KASH5: variants seen among roughly 807,000 people sequenced by gnomAD.
KASH5 encodes the protein protein KASH5.
A neutral mutation model predicts 84.2 loss-of-function variants in KASH5; 72 were observed. The observed-to-expected ratio is 0.85, with a 90% CI of 0.71 to 1.04. KASH5 has a LOEUF of 1.04. Ranked by LOEUF, KASH5 falls within the 50% of genes least tolerant of loss-of-function variation. KASH5 has a pLI of 0.00. For missense variants in KASH5, 650 were observed against 701.0 expected, an observed-to-expected ratio of 0.93 and a Z score of 0.82; for synonymous variants, 260 against 279.1, an observed-to-expected ratio of 0.93 and a Z score of 0.68.
rs1422135409 is a variant in KASH5, at chr19:49,414,581, C to T, written c.1329-370C>T. Among the ~76,000 whole-genome samples the T allele has an allele frequency of 6.6e-6, 1 of 152,100 alleles. No individual in the cohort carries two copies. Among genetic ancestry groups the T allele is most frequent in the African/African-American group, 2.4e-5 (1 of 41,402 alleles). Reference sequence around the variant, plus strand: ...GGAAGTAGTGGCTGAGAAAACCAATCTGAGATGAAGAGGCCCCCTTATTCT... The same window carrying T: ...GGAAGTAGTGGCTGAGAAAACCAATTTGAGATGAAGAGGCCCCCTTATTCT... On this transcript the variant is annotated intron_variant, in intron 16 of 19. Coordinates refer to ENST00000447857, the MANE Select transcript of KASH5 (RefSeq NM_144688.5). The surrounding 1 kb of genome is among the most constrained non-coding windows in gnomAD (Gnocchi z 4.5).
At chr19:49,391,653 A>T (rs1974008912) in intron 2 of KASH5, 1 of 152,220 alleles carries the variant, frequency 6.6e-6, no homozygotes, top group Admixed American at 6.5e-5. Context: ...TTACACTAAC[A>T]GAGCATTTCA....
intron 17 of KASH5, 159 bp downstream of exon 17, chr19:49,415,155 C>CCT (rs1974861370): frequency 1.3e-6 from 1 of 742,514 alleles, no homozygotes; most frequent in Non-Finnish European, 2.3e-6. Context: ...TTTGCTGTAG[C>CCT]TAATGAGAGC....
Position 49,407,285 on chromosome 19 carries a change from A to G in KASH5, c.922A>G (p.Ile308Val), listed in dbSNP as rs374609604. 4.3e-6 allele frequency: 7 copies of G among 1,613,750 alleles called. No individual in the cohort carries two copies. The highest frequency in any genetic ancestry group is 5.9e-6 in the Non-Finnish European group (7 of 1,179,830). The change falls in exon 11 of 20, where the codon ATC becomes GTC. Residue 308 changes from isoleucine (I) to valine (V), a missense_variant. Ile to Val is a conservative substitution (Grantham distance 29). Transcript: ENST00000447857. The stretch of plus-strand genomic sequence containing the variant: ...ACACCTCATTTGCCAAAGAGACACC[A>G]TCCTCTCTGAGGTAAGGGGCCCCGG... ...CEHLICQRDTILSERTRDVES... is the reference protein window; with the variant it reads ...CEHLICQRDTVLSERTRDVES...
rs758598616 is a variant in KASH5 at position 49,402,697 on chromosome 19, ACT to A, written c.798+3193_798+3194del. Among the ~76,000 whole-genome samples the A allele has an allele frequency of 7.2e-5, 11 of 152,138 alleles. No individual in the cohort carries two copies. In the East Asian group the frequency reaches 1.7e-3, roughly 24 times the overall value. ...ATTCTAGCCTGGGTGACAGAGCGAG[ACT>A]CTGTCTCAAAAAAAATTTTTAAAAA... On this transcript the variant is annotated intron_variant, in intron 9 of 19. Coordinates refer to ENST00000447857, the MANE Select transcript of KASH5 (RefSeq NM_144688.5).
chr19:49,416,721 C>T lies in KASH5; in HGVS notation c.1375-294C>T, dbSNP rs1457884542. Among the ~76,000 whole-genome samples the T allele has an allele frequency of 2.0e-5, 3 of 152,142 alleles. No homozygotes were observed. Among genetic ancestry groups the T allele is most frequent in the Non-Finnish European group, 4.4e-5 (3 of 68,036 alleles). On this transcript the variant is annotated intron_variant, in intron 17 of 19. Transcript: ENST00000447857. The surrounding 1 kb of genome is among the most constrained non-coding windows in gnomAD (Gnocchi z 5.4). ...GTACCAGGCGCTGTCCAAGCTATTG[C>T]CCCCGCCTTTTTTTTCCTACATTCA...
At position 49,417,758 on chromosome 19, in the gene KASH5, G is replaced by A. The variant is rs1301403010; in HGVS notation, c.*248G>A. On this transcript the variant is annotated 3_prime_UTR_variant, in exon 20 of 20. Transcript: ENST00000447857. This position sits in a 1 kb window ranked among gnomAD's most constrained non-coding sequence, Gnocchi z 5.2. ...TATTCCCTCACAAAACAAGCCTGGC[G>A]AGGGCAGCTGTGGGCACACAGCTAA... 1.1e-5 allele frequency: 5 copies of A among 450,028 alleles called. No individual in the cohort carries two copies. The highest frequency in any genetic ancestry group is 9.6e-5 in the South Asian group (1 of 10,438). 27.9% of individuals were successfully genotyped at this position (450,028 alleles called of 1,614,324 possible).
In KASH5 at chr19:49,412,599, A is replaced by G. The variant is rs1385693017; in HGVS notation, c.1270-369A>G. Among the ~76,000 whole-genome samples, 1 of 152,174 alleles carries G rather than the reference A, an allele frequency of 6.6e-6. No homozygotes were observed. The highest frequency in any genetic ancestry group is 6.5e-5 in the Admixed American group (1 of 15,284). On this transcript the variant is annotated intron_variant, in intron 15 of 19. Transcript: ENST00000447857. This position sits in a 1 kb window ranked among gnomAD's most constrained non-coding sequence, Gnocchi z 4.6. The stretch of plus-strand genomic sequence containing the variant: ...AGCCCAAGTCTGGGAACCTGGGATG[A>G]GAAGGCGGTTGGACAGGGAAATGCT...
chr19:49,402,251 A>T (rs1202847333), intron 9 of KASH5, among the ~76,000 whole-genome samples: 1 of 149,794 alleles, frequency 6.7e-6, no homozygotes, highest in African/African-American at 2.5e-5. Flanking sequence ...CAAAAAAAAA[A>T]GGAAAAGAAA....
rs560826989 is a variant in KASH5 at position 49,398,839 on chromosome 19, G to A, written c.630-186G>A. Among the ~76,000 whole-genome samples, 6 of 152,164 alleles carry A rather than the reference G, an allele frequency of 3.9e-5. No individual in the cohort carries two copies. In the South Asian group the frequency reaches 1.0e-3, roughly 26 times the overall value. The stretch of plus-strand genomic sequence containing the variant: ...TCTTTTAGGTTAAAACTGGGTCTCT[G>A]TGCCCACACCAGGTCTCCTTCTCCT... On this transcript the variant is annotated intron_variant, in intron 7 of 19. Transcript: ENST00000447857.
At chr19:49,396,251 T>G (rs866349215) in intron 5 of KASH5, among the ~76,000 whole-genome samples, 6,895 of 91,818 alleles carry the variant, frequency 0.075, 713 homozygotes, top group African/African-American at 0.27. Context: ...GACTTTTTTT[T>G]TTTTTTTTTT....
chr19:49,402,358 G>C (rs982579243), intron 9 of KASH5, among the ~76,000 whole-genome samples: 3 of 151,680 alleles, frequency 2.0e-5, no homozygotes, highest in African/African-American at 7.3e-5. Context: ...GACCAACCTA[G>C]GCAACATAGT....
At chr19:49,413,559 G>A (rs756175830) in intron 16 of KASH5, among the ~76,000 whole-genome samples, 1 of 152,174 alleles carries the variant, frequency 6.6e-6, no homozygotes, top group African/African-American at 2.4e-5. Flanking sequence ...TAATGAGGCT[G>A]CCTGCCAAGG....
chr19:49,403,681 C>T (rs1974437266), intron 9 of KASH5, among the ~76,000 whole-genome samples: 2 of 152,330 alleles, frequency 1.3e-5, no homozygotes, highest in Non-Finnish European at 1.5e-5. Flanking sequence ...TGCCCTCAGA[C>T]AGAGAGAGTA....
chr19:49,404,277 C>T (rs1974457302), intron 9 of KASH5, among the ~76,000 whole-genome samples: 1 of 152,188 alleles, frequency 6.6e-6, no homozygotes, highest in Non-Finnish European at 1.5e-5. Context: ...GAACTCTGGA[C>T]TGCCTCCATG....
intron 9 of KASH5, among the ~76,000 whole-genome samples, chr19:49,401,692 G>C (rs756048875): frequency 2.0e-5 from 3 of 152,196 alleles, no homozygotes; most frequent in African/African-American, 7.2e-5. Flanking sequence ...TCTCTTCTCT[G>C]TCTGTCCTGC....
chr19:49,398,934 C>CTGT, intron 7 of KASH5, 91 bp from the exon 8 acceptor site: 1 of 967,888 alleles, frequency 1.0e-6, no homozygotes, highest in Non-Finnish European at 1.6e-6. Context: ...TGGGATCTCT[C>CTGT]TGTTGCTAGT....
chr19:49,407,578 G>T (rs1051492284), intron 11 of KASH5, 34 bp from the exon 12 acceptor site: 96 of 1,561,978 alleles, frequency 6.1e-5, no homozygotes, highest in Non-Finnish European at 8.0e-5. Flanking sequence ...TTGGGGAACT[G>T]GTCCCAGTCT....
chr19:49,412,892 G>A lies in KASH5; in HGVS notation c.1270-76G>A. ...TATATGGGGTCTGGGACCGGCGGGGGAGACAGTGGGCACTGTTAGGGTTGG... is the reference window on the plus strand; with the variant it reads ...TATATGGGGTCTGGGACCGGCGGGGAAGACAGTGGGCACTGTTAGGGTTGG... On this transcript the variant is annotated intron_variant, in intron 15 of 19. Coordinates refer to ENST00000447857, the MANE Select transcript of KASH5 (RefSeq NM_144688.5). The surrounding 1 kb of genome is among the most constrained non-coding windows in gnomAD (Gnocchi z 4.6). 1 of 1,445,604 alleles carries A rather than the reference G, an allele frequency of 6.9e-7. No homozygotes were observed. The allele number at this position is 1,445,604 out of a possible 1,614,324, so 89.5% of individuals were successfully genotyped here. A position where few individuals can be genotyped will look rare whatever the true frequency, so the allele number is the denominator to read the frequency against.
At position 49,399,530 on chromosome 19, in the gene KASH5, C is replaced by T. The variant is rs777926367; in HGVS notation, c.798+23C>T. ...GAGGTGAGCGGAGGCCCAGCACCAC[C>T]CCCACCCCTTCCCCAGTCCTTAAGG... On this transcript the variant is annotated intron_variant, in intron 9 of 19. Coordinates refer to ENST00000447857, the MANE Select transcript of KASH5 (RefSeq NM_144688.5). This position sits in a 1 kb window ranked among gnomAD's most constrained non-coding sequence, Gnocchi z 4.4. 2 of 1,595,828 alleles carry T rather than the reference C, an allele frequency of 1.3e-6. No individual in the cohort carries two copies. Among genetic ancestry groups the T allele is most frequent in the Non-Finnish European group, 1.7e-6 (2 of 1,171,186 alleles).
Sources: allele counts gnomAD v4.1 joint callset (sites outside exome capture counted in the v4.1 genomes callset), GRCh38; gene constraint gnomAD v4.1.1; non-coding constraint Gnocchi (gnomAD v3.1); transcripts MANE v1.5; gene names NCBI Gene and HGNC (gene_info 2026-07-23, HGNC 2026-07-21).